The following TBC1D2 variants were observed in gnomAD, a reference collection of about 807,000 sequenced individuals.
TBC1D2 encodes TBC1 domain family member 2A.
Under a neutral mutation model 91.1 loss-of-function variants are expected in TBC1D2, and 58 were observed. That is an observed-to-expected ratio of 0.64 (90% CI 0.52 to 0.79). The LOEUF is 0.79. Among genes scored for constraint, TBC1D2 ranks in the 30% least tolerant of loss-of-function variants. TBC1D2 has a pLI of 0.00. For synonymous variants in TBC1D2, 482 were observed against 511.5 expected (o/e 0.94, Z 0.78); for missense variants, 1,080 against 1,208.3 (o/e 0.89, Z 1.57).
Position 98,255,532 on chromosome 9 carries a change from C to A in TBC1D2, c.10G>T (p.Ala4Ser). 1.3e-6 allele frequency: 2 copies of A among 1,514,212 alleles called. No homozygotes were observed. The highest frequency in any genetic ancestry group is 1.8e-6 in the Non-Finnish European group (2 of 1,132,054). The allele number at this position is 1,514,212 out of a possible 1,614,324, so 93.8% of individuals were successfully genotyped here. Residue 4 changes from alanine (A) to serine (S), a missense_variant, in exon 1 of 13, where the codon GCT (alanine) becomes TCT (serine). Coordinates refer to ENST00000465784, the MANE Select transcript of TBC1D2 (RefSeq NM_001267571.2). ...CTGGACTCCGGGGCGTTCTCCCCAGCGCCCTCCATCGCTGCCAGCCGGAGA... is the reference window on the plus strand; with the variant it reads ...CTGGACTCCGGGGCGTTCTCCCCAGAGCCCTCCATCGCTGCCAGCCGGAGA... MEG[A>S]GENAPESSSS...
Position 98,228,930 on chromosome 9 carries a change from C to A in TBC1D2, c.978+22G>T. 3 of 1,606,228 alleles carry A rather than the reference C, an allele frequency of 1.9e-6. No individual in the cohort carries two copies. Among genetic ancestry groups the A allele is most frequent in the African/African-American group, 1.3e-5 (1 of 74,758 alleles). On this transcript the variant is annotated intron_variant, in intron 5 of 12. Transcript: ENST00000465784. The surrounding 1 kb of genome is among the most constrained non-coding windows in gnomAD (Gnocchi z 4.0). The stretch of plus-strand genomic sequence containing the variant: ...TGGAGGGGTCCACTGGAACCTGGGG[C>A]CTCCCTGGGACCAGACCTCACCTTC...
rs189722554 is a variant in TBC1D2, at chr9:98,247,555, C to T, written c.512-3426G>A. Among the ~76,000 whole-genome samples, 264 of 151,780 alleles carry T rather than the reference C, an allele frequency of 1.7e-3. 2 individuals are homozygous for T. Among genetic ancestry groups the T allele is most frequent in the African/African-American group, 5.3e-3 (220 of 41,418 alleles). On this transcript the variant is annotated intron_variant, in intron 2 of 12. Coordinates refer to ENST00000465784, the MANE Select transcript of TBC1D2 (RefSeq NM_001267571.2). ...CATCCCAGGTAACACAGTGAAACTC[C>T]GTCTCTAATAAAAATACAAAAAAAT... is the stretch of plus-strand genomic sequence containing the variant.
intron 10 of TBC1D2, 49 bp downstream of exon 10, chr9:98,203,239 T>C (rs1828557366): frequency 1.2e-6 from 2 of 1,609,274 alleles, no homozygotes. Flanking sequence ...GGAACAGCTC[T>C]GGGGCACTGC....
rs376428831 is a variant in TBC1D2 at position 98,249,252 on chromosome 9, C to T, written c.511+2533G>A. Among the ~76,000 whole-genome samples the T allele has an allele frequency of 5.3e-5, 8 of 152,312 alleles. No individual in the cohort carries two copies. In the East Asian group the frequency reaches 1.4e-3, roughly 26 times the overall value. On this transcript the variant is annotated intron_variant, in intron 2 of 12. Coordinates refer to ENST00000465784, the MANE Select transcript of TBC1D2 (RefSeq NM_001267571.2). ...AAGCTCACGTCCCTGCTTCCTGAGT[C>T]TCAGGCAGCATCCTCCTCAGGAGAC... is the stretch of plus-strand genomic sequence containing the variant.
In TBC1D2 at chr9:98,236,882, G is replaced by A. The variant is rs114159425; in HGVS notation, c.648-3333C>T. Among the ~76,000 whole-genome samples, 538 of 151,780 alleles carry A rather than the reference G, an allele frequency of 3.5e-3. 2 individuals carry two copies. Among genetic ancestry groups the A allele is most frequent in the African/African-American group, 0.011 (474 of 41,388 alleles). The stretch of plus-strand genomic sequence containing the variant: ...ATCACAAAATAGCAGTTGGGGATAT[G>A]GGAGGAACTAAGGCATGCTTTGTAT... On this transcript the variant is annotated intron_variant, in intron 3 of 12. Coordinates refer to ENST00000465784, the MANE Select transcript of TBC1D2 (RefSeq NM_001267571.2).
Position 98,216,344 on chromosome 9 carries a change from G to A in TBC1D2, c.1375-3126C>T, listed in dbSNP as rs3758257. On this transcript the variant is annotated intron_variant, in intron 6 of 12. Coordinates refer to ENST00000465784, the MANE Select transcript of TBC1D2 (RefSeq NM_001267571.2). ...CCCCCTCAGTCGGCTCACAGAGTTC[G>A]GAATCCAATGCCCGGGAAAATACAA... Among the ~76,000 whole-genome samples the A allele has an allele frequency of 3.5e-4, 53 of 151,612 alleles. 2 individuals are homozygous for A. In the South Asian group the frequency reaches 0.01, roughly 29 times the overall value.
chr9:98,242,525 G>A (rs116838729), intron 3 of TBC1D2, among the ~76,000 whole-genome samples: 2 of 151,734 alleles, frequency 1.3e-5, no homozygotes, highest in African/African-American at 4.8e-5. Flanking sequence ...TTGAATTCCT[G>A]AAAGTTTCCA....
chr9:98,217,736 A>C (rs1829004367), intron 6 of TBC1D2, among the ~76,000 whole-genome samples: 1 of 152,130 alleles, frequency 6.6e-6, no homozygotes, highest in Non-Finnish European at 1.5e-5. Context: ...TAATAGAGAC[A>C]GTGTCTTACT....
At chr9:98,236,344 C>A (rs113078456) in intron 3 of TBC1D2, among the ~76,000 whole-genome samples, 1 of 151,972 alleles carries the variant, frequency 6.6e-6, no homozygotes, top group African/African-American at 2.4e-5. Flanking sequence ...CTGCCTCAGC[C>A]TGCCGAGTAG....
In TBC1D2 at chr9:98,252,168, T is replaced by C. The variant is rs79051838; in HGVS notation, c.370-242A>G. On this transcript the variant is annotated intron_variant, in intron 1 of 12. Coordinates refer to ENST00000465784, the MANE Select transcript of TBC1D2 (RefSeq NM_001267571.2). ...TCATCTGTACTCTGGTGACAATAAG[T>C]CTCATTGCATAGGACAATGATGAGG... Among the ~76,000 whole-genome samples, 1,204 of 152,266 alleles carry C rather than the reference T, an allele frequency of 7.9e-3. 17 individuals are homozygous for C. The highest frequency in any genetic ancestry group is 0.027 in the African/African-American group (1,130 of 41,540).
In TBC1D2 at chr9:98,232,344, T is replaced by TTTTTTTTTTG. The variant is rs1829391773; in HGVS notation, c.781+1062_781+1071dup. ...TCTTTTCTTCTTTCTCTTTTTCTGT[T>TTTTTTTTTTG]TTTTTTTTTGACAGTGTCTCACTCT... On this transcript the variant is annotated intron_variant, in intron 4 of 12. Coordinates refer to ENST00000465784, the MANE Select transcript of TBC1D2 (RefSeq NM_001267571.2). Among the ~76,000 whole-genome samples, 3 of 84,046 alleles carry TTTTTTTTTTG rather than the reference T, an allele frequency of 3.6e-5. 1 individual carries two copies. The highest frequency in any genetic ancestry group is 1.1e-4 in the Admixed American group (1 of 8,766). The allele number at this position is 84,046 out of a possible 152,430, so 55.1% of individuals were successfully genotyped here. A position where few individuals can be genotyped will look rare whatever the true frequency, so the allele number is the denominator to read the frequency against.
chr9:98,226,303 C>T (rs79442656), intron 5 of TBC1D2, among the ~76,000 whole-genome samples: 2,671 of 152,324 alleles, frequency 0.018, 74 homozygotes, highest in African/African-American at 0.06. Flanking sequence ...TCTCACTTCC[C>T]GCCTCGTCTC....
At chr9:98,200,211 G>A (rs1436156249) in intron 12 of TBC1D2, 42 bp downstream of exon 12, 2 of 1,610,998 alleles carry the variant, frequency 1.2e-6, no homozygotes, top group South Asian at 1.1e-5. Flanking sequence ...GTCCTTGGGG[G>A]TGTGTGAGTG....
intron 5 of TBC1D2, among the ~76,000 whole-genome samples, chr9:98,221,893 T>C (rs569501991): frequency 1.4e-3 from 216 of 152,222 alleles, no homozygotes; most frequent in African/African-American, 5.2e-3. Context: ...CACACCAGGC[T>C]AATATTTGTA....
At chr9:98,233,783 T>C (rs975845587) in intron 3 of TBC1D2, among the ~76,000 whole-genome samples, 3 of 152,194 alleles carry the variant, frequency 2.0e-5, no homozygotes, top group African/African-American at 4.8e-5. Context: ...TTATAAGTAA[T>C]ACAAGCTTGA....
intron 3 of TBC1D2, chr9:98,235,572 T>A: frequency 2.2e-6 from 1 of 453,832 alleles, no homozygotes; most frequent in Admixed American, 2.5e-5. Flanking sequence ...AGCTGAAGCA[T>A]CTCCTGAAGT....
intron 2 of TBC1D2, among the ~76,000 whole-genome samples, chr9:98,250,245 G>A (rs113923034): frequency 2.6e-5 from 4 of 152,186 alleles, no homozygotes; most frequent in African/African-American, 4.8e-5. Context: ...GGTGGGGACT[G>A]GGGGAGCAGG....
rs796429068 is a variant in TBC1D2 at position 98,228,876 on chromosome 9, A to G, written c.978+76T>C. The G allele has an allele frequency of 1.4e-6, 2 of 1,451,948 alleles. No homozygotes were observed. The highest frequency in any genetic ancestry group is 2.5e-5 in the South Asian group (2 of 79,232). 89.9% of individuals were successfully genotyped at this position (1,451,948 alleles called of 1,614,324 possible). ...GTGCCCAGCACGGCTAATGCGTCCCATCTAGCTTATCCGAAAGGCTCCAGG... is the reference window on the plus strand; with the variant it reads ...GTGCCCAGCACGGCTAATGCGTCCCGTCTAGCTTATCCGAAAGGCTCCAGG... On this transcript the variant is annotated intron_variant, in intron 5 of 12. Transcript: ENST00000465784. This position sits in a 1 kb window ranked among gnomAD's most constrained non-coding sequence, Gnocchi z 4.0.
At chr9:98,225,713 G>A (rs1053352956) in intron 5 of TBC1D2, among the ~76,000 whole-genome samples, 2 of 152,218 alleles carry the variant, frequency 1.3e-5, no homozygotes, top group Non-Finnish European at 2.9e-5. Flanking sequence ...CACATGGGAA[G>A]GCTCAGCACA....
Sources: gnomAD v4.1 joint callset for allele counts (sites outside exome capture counted in the v4.1 genomes callset) on GRCh38, gnomAD v4.1.1 for gene constraint, Gnocchi (gnomAD v3.1) non-coding constraint, MANE v1.5 for transcripts, NCBI Gene and HGNC (gene_info 2026-07-23, HGNC 2026-07-21) for gene names.